NOL4: variants seen among roughly 807,000 people sequenced by gnomAD.
NOL4 encodes cancer/testis antigen 125.
NOL4 carries 17 observed loss-of-function variants against 75.9 expected under a neutral mutation model. The observed-to-expected ratio is 0.22, with a 90% CI of 0.15 to 0.34. NOL4 has a LOEUF of 0.34. Among genes scored for constraint, NOL4 ranks in the 10% least tolerant of loss-of-function variants. NOL4 has a pLI of 1.00. For synonymous variants in NOL4, 292 were observed against 289.9 expected (o/e 1.01, Z -0.07); for missense variants, 614 against 793.5 (o/e 0.77, Z 2.72).
At chr18:33,863,656 C>T (rs967454941) in intron 10 of NOL4, among the ~76,000 whole-genome samples, 23 of 152,112 alleles carry the variant, frequency 1.5e-4, no homozygotes, top group Non-Finnish European at 3.1e-4. Context: ...TGGGCAGCTC[C>T]CTCATGGGCT....
chr18:34,155,069 G>C (rs990648376), intron 1 of NOL4, among the ~76,000 whole-genome samples: 2 of 151,752 alleles, frequency 1.3e-5, no homozygotes, highest in Non-Finnish European at 2.9e-5. Flanking sequence ...TTAGTAAAGA[G>C]TTTTTGAATT....
At chr18:33,855,538 G>C (rs1202644275) in intron 10 of NOL4, among the ~76,000 whole-genome samples, 9 of 152,062 alleles carry the variant, frequency 5.9e-5, no homozygotes, top group Admixed American at 5.9e-4. Flanking sequence ...CAAGAGAAAG[G>C]ATTTTGATAT....
chr18:34,050,852 T>C (rs566604302), intron 5 of NOL4, among the ~76,000 whole-genome samples: 1 of 152,128 alleles, frequency 6.6e-6, no homozygotes, highest in South Asian at 2.1e-4. Context: ...GACTGAAATA[T>C]TGGAGCCTAC....
Position 34,104,170 on chromosome 18 carries a change from A to T in NOL4, c.527-11T>A. On this transcript the variant is annotated splice_polypyrimidine_tract_variant and intron_variant, in intron 3 of 10. Coordinates refer to ENST00000261592, the MANE Select transcript of NOL4 (RefSeq NM_003787.5). The stretch of plus-strand genomic sequence containing the variant: ...GAGGTTTTCCATTATCTGTAATAAA[A>T]CATTTTTAATGGGTAATGAAAGTAA... The T allele has an allele frequency of 6.6e-7, 1 of 1,522,294 alleles. No individual in the cohort carries two copies. Among genetic ancestry groups the T allele is most frequent in the Non-Finnish European group, 9.1e-7 (1 of 1,097,524 alleles). The allele number at this position is 1,522,294 out of a possible 1,614,324, so 94.3% of individuals were successfully genotyped here. A position where few individuals can be genotyped will look rare whatever the true frequency, so the allele number is the denominator to read the frequency against.
intron 10 of NOL4, among the ~76,000 whole-genome samples, chr18:33,857,100 T>G (rs139778870): frequency 4.7e-4 from 71 of 152,194 alleles, no homozygotes; most frequent in African/African-American, 1.7e-3. Context: ...AGAATTCTAT[T>G]AGATCCTTCT....
At chr18:34,074,982 A>G (rs558328499) in intron 5 of NOL4, among the ~76,000 whole-genome samples, 1 of 152,192 alleles carries the variant, frequency 6.6e-6, no homozygotes, top group Non-Finnish European at 1.5e-5. Context: ...TAAGTACTTA[A>G]TAATTAAGAA....
intron 9 of NOL4, among the ~76,000 whole-genome samples, chr18:33,929,804 A>T (rs2067570032): frequency 6.6e-6 from 1 of 152,186 alleles, no homozygotes; most frequent in African/African-American, 2.4e-5. Context: ...TACTAATCAT[A>T]TTCCTTGTTG....
At chr18:34,131,464 A>C (rs532231587) in intron 1 of NOL4, among the ~76,000 whole-genome samples, 27 of 152,188 alleles carry the variant, frequency 1.8e-4, no homozygotes, top group African/African-American at 5.1e-4. Context: ...TACCTGAGAG[A>C]ATAACCACCT....
intron 2 of NOL4, among the ~76,000 whole-genome samples, chr18:34,114,892 A>C (rs535918863): frequency 4.5e-4 from 68 of 152,314 alleles, no homozygotes; most frequent in Middle Eastern, 3.4e-3. Context: ...AATTTCAAGA[A>C]ACCCAAAGTA....
chr18:34,211,880 A>AT (rs1276175515), intron 1 of NOL4, among the ~76,000 whole-genome samples: 1 of 152,158 alleles, frequency 6.6e-6, no homozygotes, highest in Non-Finnish European at 1.5e-5. Flanking sequence ...AATTACTGCT[A>AT]TTTTTTATAT....
chr18:33,997,136 G>C (rs1317288927), intron 6 of NOL4, among the ~76,000 whole-genome samples: 2 of 151,792 alleles, frequency 1.3e-5, no homozygotes, highest in Admixed American at 6.6e-5. Flanking sequence ...ATTTATTTTT[G>C]AGTACTTACT....
chr18:34,033,979 T>C (rs1339517466), intron 5 of NOL4, among the ~76,000 whole-genome samples: 1 of 152,100 alleles, frequency 6.6e-6, no homozygotes, highest in African/African-American at 2.4e-5. Context: ...ATAAAATTTT[T>C]CCCAGACAAT....
At chr18:33,934,257 T>G (rs1385775910) in intron 9 of NOL4, among the ~76,000 whole-genome samples, 2 of 152,250 alleles carry the variant, frequency 1.3e-5, no homozygotes, top group African/African-American at 4.8e-5. Context: ...GTTTCATTTA[T>G]GGAACACAGG....
At chr18:34,106,467 C>T (rs920541246) in intron 2 of NOL4, among the ~76,000 whole-genome samples, 13 of 151,922 alleles carry the variant, frequency 8.6e-5, no homozygotes, top group African/African-American at 3.1e-4. Flanking sequence ...ATTGATAATC[C>T]ATATTCAGGT....
chr18:34,209,740 G>T (rs1029131547), intron 1 of NOL4, among the ~76,000 whole-genome samples: 1 of 152,176 alleles, frequency 6.6e-6, no homozygotes, highest in East Asian at 1.9e-4. Context: ...GCCATCATTG[G>T]CAACAGTTCA....
intron 1 of NOL4, among the ~76,000 whole-genome samples, chr18:34,204,015 A>G (rs1187312139): frequency 6.6e-6 from 1 of 152,042 alleles, no homozygotes; most frequent in African/African-American, 2.4e-5. Context: ...TAGACAGTGT[A>G]TACCTCTCCT....
At chr18:33,860,292 C>T (rs1182721635) in intron 10 of NOL4, among the ~76,000 whole-genome samples, 3 of 152,016 alleles carry the variant, frequency 2.0e-5, no homozygotes, top group Non-Finnish European at 2.9e-5. Context: ...GCCCCTACCT[C>T]CCCCCAAATC....
chr18:34,098,879 G>A (rs1165634477), intron 4 of NOL4, among the ~76,000 whole-genome samples: 1 of 152,114 alleles, frequency 6.6e-6, no homozygotes, highest in African/African-American at 2.4e-5. Context: ...TCTGCAAAAT[G>A]GAGGTAGAGC....
chr18:34,114,568 G>A (rs1600640194), intron 2 of NOL4, among the ~76,000 whole-genome samples: 1 of 152,094 alleles, frequency 6.6e-6, no homozygotes, highest in African/African-American at 2.4e-5. Context: ...TCTTACAAAT[G>A]TTGTTTTCTA....
Sources: allele counts gnomAD v4.1 joint callset (sites outside exome capture counted in the v4.1 genomes callset), GRCh38; gene constraint gnomAD v4.1.1; transcripts MANE v1.5; gene names NCBI Gene and HGNC (gene_info 2026-07-23, HGNC 2026-07-21).